The following GRIK1 variants were observed in gnomAD, a reference collection of about 807,000 sequenced individuals.
GRIK1 encodes glutamate receptor ionotropic, kainate 1.
Under a neutral mutation model 105.7 loss-of-function variants are expected in GRIK1, and 69 were observed. That is an observed-to-expected ratio of 0.65 (90% CI 0.54 to 0.80). The LOEUF (loss-of-function observed/expected upper bound fraction) is 0.80, where lower values mean the gene tolerates loss of function less well. Ranked by LOEUF, GRIK1 falls within the 30% of genes least tolerant of loss-of-function variation. GRIK1 has a pLI of 0.00. For synonymous variants in GRIK1, 438 were observed against 431.3 expected (o/e 1.02, Z -0.19); for missense variants, 1,109 against 1,167.3 (o/e 0.95, Z 0.73).
At chr21:29,894,125 T>C (rs147512862) in intron 1 of GRIK1, among the ~76,000 whole-genome samples, 197 of 152,250 alleles carry the variant, frequency 1.3e-3, no homozygotes, top group African/African-American at 4.4e-3. Context: ...CTTGTATTAG[T>C]CAGGGTTCTC....
Position 29,553,268 on chromosome 21 carries a change from T to C in GRIK1, c.2607+1784A>G, listed in dbSNP as rs2090167096. On this transcript the variant is annotated intron_variant, in intron 16 of 17. Transcript: ENST00000327783. ...TCCTTTTTCATGAAGGAAGAGTTAC[T>C]TATTTTTAATGCATGAAGATAGAAC... 9.7e-6 allele frequency: 10 copies of C among 1,028,114 alleles called. No individual in the cohort carries two copies. The South Asian group carries it at 4.1e-4, about 43-fold the overall frequency. 63.7% of individuals were successfully genotyped at this position (1,028,114 alleles called of 1,614,324 possible).
At chr21:29,858,108 C>T (rs1432524771) in intron 1 of GRIK1, among the ~76,000 whole-genome samples, 2 of 152,110 alleles carry the variant, frequency 1.3e-5, no homozygotes, top group East Asian at 1.9e-4. Flanking sequence ...CTATGTTGGC[C>T]AGCTGGTCTC....
intron 16 of GRIK1, among the ~76,000 whole-genome samples, chr21:29,548,360 A>T (rs2090078906): frequency 6.6e-6 from 1 of 152,196 alleles, no homozygotes; most frequent in Admixed American, 6.6e-5. Flanking sequence ...AGAAAAAGCA[A>T]AAATGATTTT....
intron 1 of GRIK1, among the ~76,000 whole-genome samples, chr21:29,830,293 A>G (rs933604393): frequency 2.7e-5 from 4 of 148,808 alleles, no homozygotes; most frequent in African/African-American, 9.9e-5. Context: ...TTAGATACAC[A>G]CCCACCCACC....
At chr21:29,818,190 A>T (rs546344549) in intron 1 of GRIK1, among the ~76,000 whole-genome samples, 1 of 152,136 alleles carries the variant, frequency 6.6e-6, no homozygotes, top group Non-Finnish European at 1.5e-5. Context: ...ACCATGTAAA[A>T]CAACGCACAT....
Position 29,608,618 on chromosome 21 carries a change from T to A in GRIK1, c.1099-9681A>T, listed in dbSNP as rs181633406. Among the ~76,000 whole-genome samples the A allele has an allele frequency of 1.2e-4, 18 of 152,282 alleles. No homozygotes were observed. The East Asian group carries it at 2.9e-3, about 24-fold the overall frequency. ...ACAAGAAGATAAATTATCACTTACC[T>A]TCTATGTCATCGTCTCAGACACTTT... On this transcript the variant is annotated intron_variant, in intron 7 of 17. Transcript: ENST00000327783.
rs371688899 is a variant in GRIK1 at position 29,587,458 on chromosome 21, A to G, written c.1701T>C (p.Val567=). 3.3e-5 allele frequency: 54 copies of G among 1,613,704 alleles called. No homozygotes were observed. In the African/African-American group the frequency reaches 5.3e-4, roughly 16 times the overall value. Residue 567 remains valine (V), a synonymous_variant, in exon 12 of 18, where the codon GTT becomes GTC. Coordinates refer to ENST00000327783, the MANE Select transcript of GRIK1 (RefSeq NM_001330994.2). ...GAGACAGGGGGTTGAGGAAGGAGAA[A>G]ACGCCTGGATTGGTACCATTGGGCT... is the stretch of plus-strand genomic sequence containing the variant. ...YRKPNGTNPG[V]FSFLNPLSPD... is the part of the protein sequence containing the mutation.
chr21:29,609,667 T>G (rs1285060507), intron 7 of GRIK1, among the ~76,000 whole-genome samples: 1 of 152,154 alleles, frequency 6.6e-6, no homozygotes, highest in Non-Finnish European at 1.5e-5. Flanking sequence ...ATTGTTGAAC[T>G]AGGCCATCTC....
intron 3 of GRIK1, among the ~76,000 whole-genome samples, chr21:29,688,347 C>T (rs2063523133): frequency 6.6e-6 from 1 of 152,212 alleles, no homozygotes; most frequent in Non-Finnish European, 1.5e-5. Flanking sequence ...AGAGGAGGCA[C>T]ATATTCATCC....
chr21:29,778,545 C>A (rs1033549530), intron 1 of GRIK1, among the ~76,000 whole-genome samples: 1 of 152,156 alleles, frequency 6.6e-6, no homozygotes, highest in African/African-American at 2.4e-5. Context: ...CAGAACTTTT[C>A]TCTGTGTACT....
In GRIK1 at chr21:29,827,636, T is replaced by C. The variant is rs1351893916; in HGVS notation, c.118+111747A>G. ...CAACGTAAAAAGACTTTAATGGATCTACCAAATGGTGATTAGTGAAAGGAG... is the reference window on the plus strand; with the variant it reads ...CAACGTAAAAAGACTTTAATGGATCCACCAAATGGTGATTAGTGAAAGGAG... On this transcript the variant is annotated intron_variant, in intron 1 of 17. Coordinates refer to ENST00000327783, the MANE Select transcript of GRIK1 (RefSeq NM_001330994.2). Among the ~76,000 whole-genome samples, 3 of 152,026 alleles carry C rather than the reference T, an allele frequency of 2.0e-5. No homozygotes were observed. In the South Asian group the frequency reaches 6.2e-4, roughly 32 times the overall value.
intron 1 of GRIK1, among the ~76,000 whole-genome samples, chr21:29,750,762 T>C (rs2065175231): frequency 6.6e-6 from 1 of 152,166 alleles, no homozygotes; most frequent in Non-Finnish European, 1.5e-5. Context: ...GATACTGATA[T>C]ATCAAATAAG....
chr21:29,818,429 C>T (rs1238751707), intron 1 of GRIK1, among the ~76,000 whole-genome samples: 2 of 152,030 alleles, frequency 1.3e-5, no homozygotes, highest in Admixed American at 1.3e-4. Flanking sequence ...CTACATAAAT[C>T]CTGGCCTTAA....
At chr21:29,647,833 CTTTCTT>C (rs201998013) in intron 6 of GRIK1, among the ~76,000 whole-genome samples, 2 of 152,180 alleles carry the variant, frequency 1.3e-5, no homozygotes, top group South Asian at 2.1e-4. Flanking sequence ...ATAAAACACT[CTTTCTT>C]TTTCTCAAGA....
At chr21:29,652,856 G>A (rs570025021) in intron 5 of GRIK1, among the ~76,000 whole-genome samples, 4 of 152,198 alleles carry the variant, frequency 2.6e-5, no homozygotes, top group Admixed American at 1.3e-4. Context: ...GAAACACTTC[G>A]CAATTTGCAT....
rs533872662 is a variant in GRIK1 at position 29,735,619 on chromosome 21, G to A, written c.119-41556C>T. Among the ~76,000 whole-genome samples, 35 of 152,128 alleles carry A rather than the reference G, an allele frequency of 2.3e-4. 1 individual carries two copies. In the South Asian group the frequency reaches 7.3e-3, roughly 32 times the overall value. ...TAACCAAAAGTTGAAAACATCGGCT[G>A]GGCACGGTTGCTCAGGACTGTAATC... On this transcript the variant is annotated intron_variant, in intron 1 of 17. Transcript: ENST00000327783.
intron 1 of GRIK1, among the ~76,000 whole-genome samples, chr21:29,782,361 C>T (rs1436998231): frequency 6.6e-6 from 1 of 152,196 alleles, no homozygotes; most frequent in Non-Finnish European, 1.5e-5. Flanking sequence ...GTTGGGATTA[C>T]AGGCCACTTT....
At chr21:29,657,545 G>T (rs551059207) in intron 4 of GRIK1, 1 of 152,216 alleles carries the variant, frequency 6.6e-6, no homozygotes, top group African/African-American at 2.4e-5. Context: ...AAAAATTCCC[G>T]TTCCTTTTCC....
intron 1 of GRIK1, among the ~76,000 whole-genome samples, chr21:29,765,900 G>A (rs1017204787): frequency 5.3e-5 from 8 of 151,100 alleles, no homozygotes; most frequent in African/African-American, 1.2e-4. Flanking sequence ...CACCCAGGCT[G>A]GAGTGCAGTG....
Sources: gnomAD v4.1 joint callset for allele counts (sites outside exome capture counted in the v4.1 genomes callset) on GRCh38, gnomAD v4.1.1 for gene constraint, MANE v1.5 for transcripts, NCBI Gene and HGNC (gene_info 2026-07-23, HGNC 2026-07-21) for gene names.